KCNK13: variants seen among roughly 807,000 people sequenced by gnomAD.
The protein encoded by KCNK13 is potassium channel subfamily K member 13.
KCNK13 carries 12 observed loss-of-function variants against 23.4 expected under a neutral mutation model. The observed-to-expected ratio is 0.51, with a 90% CI of 0.33 to 0.83. KCNK13 has a LOEUF of 0.83. KCNK13 is among the 40% of genes least tolerant of loss of function. The pLI is 0.02. For missense variants in KCNK13, 463 were observed against 556.3 expected (o/e 0.83, Z 1.69); for synonymous variants, 231 against 229.5 (o/e 1.01, Z -0.06).
intron 1 of KCNK13, among the ~76,000 whole-genome samples, chr14:90,105,027 T>G (rs1426039627): frequency 1.3e-5 from 2 of 151,906 alleles, no homozygotes; most frequent in Non-Finnish European, 1.5e-5. Context: ...TGACCTCCAG[T>G]GATCTTCACG....
At chr14:90,108,196 T>A (rs1404637257) in intron 1 of KCNK13, among the ~76,000 whole-genome samples, 1 of 152,218 alleles carries the variant, frequency 6.6e-6, no homozygotes, top group Non-Finnish European at 1.5e-5. Flanking sequence ...CTTCTTGATG[T>A]GCTCTTTGGT....
At chr14:90,149,507 T>C (rs2140432613) in intron 1 of KCNK13, among the ~76,000 whole-genome samples, 1 of 152,352 alleles carries the variant, frequency 6.6e-6, no homozygotes, top group Middle Eastern at 3.4e-3. Context: ...CTGCCCTTTA[T>C]TAAACCATCA....
chr14:90,164,929 G>A (rs1484787663), intron 1 of KCNK13, among the ~76,000 whole-genome samples: 10 of 152,098 alleles, frequency 6.6e-5, no homozygotes, highest in Admixed American at 6.6e-4. Context: ...ATTTCACACT[G>A]TTCATTTCGC....
intron 1 of KCNK13, among the ~76,000 whole-genome samples, chr14:90,080,892 T>G (rs1889201198): frequency 6.6e-6 from 1 of 152,214 alleles, no homozygotes; most frequent in Non-Finnish European, 1.5e-5. Flanking sequence ...TCTCCTCTGT[T>G]GTGGGGCAGT....
intron 1 of KCNK13, among the ~76,000 whole-genome samples, chr14:90,096,439 C>T (rs1307588500): frequency 6.6e-6 from 1 of 152,214 alleles, no homozygotes; most frequent in Non-Finnish European, 1.5e-5. Flanking sequence ...ATGTATTTTA[C>T]AATATCACAG....
At chr14:90,173,116 T>C (rs543813403) in intron 1 of KCNK13, among the ~76,000 whole-genome samples, 9 of 152,326 alleles carry the variant, frequency 5.9e-5, no homozygotes, top group Admixed American at 3.3e-4. Flanking sequence ...TGAAAAGATG[T>C]TCAACTTGAT....
At chr14:90,107,299 G>GA (rs992544052) in intron 1 of KCNK13, among the ~76,000 whole-genome samples, 5 of 152,130 alleles carry the variant, frequency 3.3e-5, no homozygotes, top group African/African-American at 9.7e-5. Flanking sequence ...CTAACATGGT[G>GA]AAACCCCATC....
chr14:90,184,625 C>G lies in KCNK13; in HGVS notation c.849C>G (p.Ile283Met). ...YSLFNVISILIKQSLNWILRK... is the reference protein window; with the variant it reads ...YSLFNVISILMKQSLNWILRK... Reference sequence around the variant, plus strand: ...TGTTCAATGTCATCTCTATCCTCATCAAACAGTCCTTGAACTGGATCCTGA... The same window carrying G: ...TGTTCAATGTCATCTCTATCCTCATGAAACAGTCCTTGAACTGGATCCTGA... The change falls in exon 2 of 2, where the codon ATC becomes ATG. Residue 283 changes from isoleucine to methionine, a missense_variant. Transcript: ENST00000282146. The surrounding 1 kb of genome is among the most constrained non-coding windows in gnomAD (Gnocchi z 5.6). The G allele has an allele frequency of 6.2e-7, 1 of 1,614,254 alleles. No homozygotes were observed. The highest frequency in any genetic ancestry group is 8.5e-7 in the Non-Finnish European group (1 of 1,180,048).
chr14:90,171,965 T>G (rs1261149883), intron 1 of KCNK13, among the ~76,000 whole-genome samples: 1 of 152,166 alleles, frequency 6.6e-6, no homozygotes, highest in African/African-American at 2.4e-5. Context: ...ACTGGCATCA[T>G]TCTGTCTTGC....
At chr14:90,148,786 G>T (rs751364113) in intron 1 of KCNK13, among the ~76,000 whole-genome samples, 1 of 152,202 alleles carries the variant, frequency 6.6e-6, no homozygotes, top group African/African-American at 2.4e-5. Context: ...AATCATATTC[G>T]CTCTGCTAAT....
chr14:90,152,674 A>C (rs1890149320), intron 1 of KCNK13, among the ~76,000 whole-genome samples: 1 of 152,208 alleles, frequency 6.6e-6, no homozygotes, highest in Non-Finnish European at 1.5e-5. Context: ...TGTTATTAGC[A>C]GTGTGAGAAT....
intron 1 of KCNK13, among the ~76,000 whole-genome samples, chr14:90,148,931 T>C (rs952104000): frequency 9.9e-5 from 15 of 152,194 alleles, no homozygotes; most frequent in African/African-American, 3.6e-4. Flanking sequence ...AAAAGTGCTA[T>C]TGTGATGGTA....
chr14:90,127,252 GA>G (rs567054003), intron 1 of KCNK13, among the ~76,000 whole-genome samples: 4 of 151,490 alleles, frequency 2.6e-5, no homozygotes, highest in Admixed American at 1.3e-4. Context: ...TTTAAAAAAT[GA>G]AAAAAAAGTG....
At chr14:90,115,875 A>G (rs1889671228) in intron 1 of KCNK13, among the ~76,000 whole-genome samples, 1 of 152,218 alleles carries the variant, frequency 6.6e-6, no homozygotes, top group Non-Finnish European at 1.5e-5. Flanking sequence ...GTGATTTTCA[A>G]TCAGCCAGGA....
At chr14:90,099,089 T>A (rs1049525964) in intron 1 of KCNK13, among the ~76,000 whole-genome samples, 4 of 147,384 alleles carry the variant, frequency 2.7e-5, no homozygotes, top group Admixed American at 1.4e-4. Context: ...AAAAAATTTT[T>A]AAAAATTAAA....
chr14:90,087,186 A>G (rs1380693756), intron 1 of KCNK13, among the ~76,000 whole-genome samples: 23 of 135,282 alleles, frequency 1.7e-4, no homozygotes, highest in African/African-American at 5.9e-4. Context: ...GGGCCTCACT[A>G]TGTTGCCCAG....
At chr14:90,137,400 A>G (rs1355443993) in intron 1 of KCNK13, among the ~76,000 whole-genome samples, 1 of 151,692 alleles carries the variant, frequency 6.6e-6, no homozygotes. Flanking sequence ...GGCTCACTTC[A>G]ACTTCTGCCT....
chr14:90,170,593 AT>A (rs1890354137), intron 1 of KCNK13, among the ~76,000 whole-genome samples: 1 of 152,174 alleles, frequency 6.6e-6, no homozygotes, highest in Non-Finnish European at 1.5e-5. Flanking sequence ...TCTGAAGATG[AT>A]TTTGAGGGCT....
Position 90,185,178 on chromosome 14 carries a change from G to C in KCNK13, c.*175G>C. 1 of 547,554 alleles carries C rather than the reference G, an allele frequency of 1.8e-6. No homozygotes were observed. Among genetic ancestry groups the C allele is most frequent in the Non-Finnish European group, 3.1e-6 (1 of 318,516 alleles). 33.9% of individuals were successfully genotyped at this position (547,554 alleles called of 1,614,324 possible). A position where few individuals can be genotyped will look rare whatever the true frequency, so the allele number is the denominator to read the frequency against. On this transcript the variant is annotated 3_prime_UTR_variant, in exon 2 of 2. Transcript: ENST00000282146. ...CTCCAACCAACAGCCACCTTCCAGGGATGGGGGGCCTGAAGCCTCGATGCT... is the reference window on the plus strand; with the variant it reads ...CTCCAACCAACAGCCACCTTCCAGGCATGGGGGGCCTGAAGCCTCGATGCT...
Sources: allele counts gnomAD v4.1 joint callset (sites outside exome capture counted in the v4.1 genomes callset), GRCh38; gene constraint gnomAD v4.1.1; non-coding constraint Gnocchi (gnomAD v3.1); transcripts MANE v1.5; gene names NCBI Gene and HGNC (gene_info 2026-07-23, HGNC 2026-07-21).